Variants in TMEM204 observed in about 807,000 individuals in gnomAD.
TMEM204 encodes the protein transmembrane protein 204.
Under a neutral mutation model 19.4 loss-of-function variants are expected in TMEM204, and 15 were observed. That is an observed-to-expected ratio of 0.77 (90% CI 0.52 to 1.19). TMEM204 has a LOEUF of 1.19. TMEM204 is among the 50% of genes most tolerant of loss of function. The pLI is 0.00. For synonymous variants in TMEM204, 161 were observed against 146.0 expected, an observed-to-expected ratio of 1.10 and a Z score of -0.74; for missense variants, 287 against 321.2, an observed-to-expected ratio of 0.89 and a Z score of 0.81.
In TMEM204 at chr16:1,551,719, C is replaced by T. The variant is rs1329334200; in HGVS notation, c.437-3063C>T. Among the ~76,000 whole-genome samples, 6 of 152,188 alleles carry T rather than the reference C, an allele frequency of 3.9e-5. No homozygotes were observed. Among genetic ancestry groups the T allele is most frequent in the East Asian group, 1.9e-4 (1 of 5,194 alleles). On this transcript the variant is annotated intron_variant, in intron 2 of 2. Transcript: ENST00000566264. The surrounding 1 kb of genome is among the most constrained non-coding windows in gnomAD (Gnocchi z 4.0). ...AGATCAGCGGCACTTCAGTCTTCTA[C>T]GGGGTTTTGTTGGGAGCTACCTATA...
rs770593310 is a variant in TMEM204 at position 1,534,471 on chromosome 16, G to A, written c.196G>A (p.Gly66Ser). ...RGGPSPGARAGQVDAHDCEAL... is the reference protein window; with the variant it reads ...RGGPSPGARASQVDAHDCEAL... The stretch of plus-strand genomic sequence containing the variant: ...AGGGCCGAGCCCTGGGGCCAGAGCC[G>A]GCCAGGTGGACGCACATGACTGTGA... Residue 66 changes from glycine to serine, a missense_variant, in exon 1 of 3, where the codon GGC becomes AGC. By Grantham distance (56) the Gly-to-Ser change is moderately conservative. Transcript: ENST00000566264. 11 of 1,610,818 alleles carry A rather than the reference G, an allele frequency of 6.8e-6. No individual in the cohort carries two copies. The highest frequency in any genetic ancestry group is 3.3e-5 in the South Asian group (3 of 91,074).
At chr16:1,530,767 T>G (rs2030390635), upstream of TMEM204, 1 of 149,714 alleles carries the variant, frequency 6.7e-6, no homozygotes, top group Non-Finnish European at 1.5e-5. Context: ...GGTTTTGCTC[T>G]GGTTCCTGGG....
rs928491181 is a variant in TMEM204, at chr16:1,553,707, C to G, written c.437-1075C>G. 9.0e-7 allele frequency: 1 copy of G among 1,110,652 alleles called. No individual in the cohort carries two copies. The highest frequency in any genetic ancestry group is 1.1e-6 in the Non-Finnish European group (1 of 899,400). The allele number at this position is 1,110,652 out of a possible 1,614,324, so 68.8% of individuals were successfully genotyped here. A position where few individuals can be genotyped will look rare whatever the true frequency, so the allele number is the denominator to read the frequency against. On this transcript the variant is annotated intron_variant, in intron 2 of 2. Coordinates refer to ENST00000566264, the MANE Select transcript of TMEM204 (RefSeq NM_024600.6). The surrounding 1 kb of genome is among the most constrained non-coding windows in gnomAD (Gnocchi z 4.4). Reference sequence around the variant, plus strand: ...GAAGGCTGGCTGGAGGCCCCATGGCCTCCAGGACAATCTGTGGCCACATCC... The same window carrying G: ...GAAGGCTGGCTGGAGGCCCCATGGCGTCCAGGACAATCTGTGGCCACATCC...
chr16:1,532,028 T>G (rs1224771621), upstream of TMEM204: 1 of 152,230 alleles, frequency 6.6e-6, no homozygotes, highest in African/African-American at 2.4e-5. Flanking sequence ...TTGGGAGACT[T>G]CCCTTTCAAG....
chr16:1,531,709 AGCG>A (rs2030512606), upstream of TMEM204: 2 of 152,312 alleles, frequency 1.3e-5, no homozygotes, highest in Admixed American at 1.3e-4. This position sits in a 1 kb window ranked among gnomAD's most constrained non-coding sequence, Gnocchi z 4.7. Context: ...CAGGGTTAGA[AGCG>A]GCGTGACAGC....
At chr16:1,542,655 A>G (rs2031761507) in intron 2 of TMEM204, among the ~76,000 whole-genome samples, 2 of 152,244 alleles carry the variant, frequency 1.3e-5, no homozygotes, top group Non-Finnish European at 2.9e-5. Context: ...GAGTGAGAAC[A>G]CGCTAGCACG....
At chr16:1,554,401 GCCC>G (rs888303871) in intron 2 of TMEM204, among the ~76,000 whole-genome samples, 1 of 152,152 alleles carries the variant, frequency 6.6e-6, no homozygotes, top group African/African-American at 2.4e-5. Context: ...GCTAGGAAAG[GCCC>G]CCCCAAGTTG....
intron 1 of TMEM204, among the ~76,000 whole-genome samples, chr16:1,538,797 C>A (rs1230790024): frequency 6.6e-6 from 1 of 152,180 alleles, no homozygotes; most frequent in Non-Finnish European, 1.5e-5. Flanking sequence ...AGGCCTCACT[C>A]CGGTCCCTGC....
chr16:1,543,534 T>C (rs1224801109), intron 2 of TMEM204, among the ~76,000 whole-genome samples: 1 of 152,220 alleles, frequency 6.6e-6, no homozygotes, highest in Non-Finnish European at 1.5e-5. Context: ...GAACTGGAGC[T>C]GTGTCTTGGC....
At position 1,554,912 on chromosome 16, in the gene TMEM204, C is replaced by G. The variant is rs764530354; in HGVS notation, c.567C>G (p.Asn189Lys). The G allele has an allele frequency of 1.2e-6, 2 of 1,614,234 alleles. No homozygotes were observed. Among genetic ancestry groups the G allele is most frequent in the Non-Finnish European group, 1.7e-6 (2 of 1,180,046 alleles). The part of the protein sequence containing the change: ...ATLAAAMLIW[N>K]ILHKREDCMA... The stretch of plus-strand genomic sequence containing the variant: ...TGGCGGCAGCCATGCTCATCTGGAA[C>G]ATTCTCCACAAGAGGGAGGACTGCA... Residue 189 changes from asparagine (N) to lysine (K), a missense_variant, in exon 3 of 3, where the codon AAC becomes AAG. Coordinates refer to ENST00000566264, the MANE Select transcript of TMEM204 (RefSeq NM_024600.6).
chr16:1,554,667 G>C, intron 2 of TMEM204, 115 bp from the exon 3 acceptor site: 1 of 1,446,212 alleles, frequency 6.9e-7, no homozygotes. Flanking sequence ...CTCTAGGACA[G>C]AGGGCTGGGG....
chr16:1,544,872 T>A (rs1221564801), intron 2 of TMEM204, among the ~76,000 whole-genome samples: 3 of 151,994 alleles, frequency 2.0e-5, no homozygotes, highest in African/African-American at 7.3e-5. Flanking sequence ...ATGGTCTCGA[T>A]CTCCTGACCT....
rs199815134 is a variant in TMEM204 at position 1,551,449 on chromosome 16, G to A, written c.437-3333G>A. On this transcript the variant is annotated intron_variant, in intron 2 of 2. Transcript: ENST00000566264. The surrounding 1 kb of genome is among the most constrained non-coding windows in gnomAD (Gnocchi z 4.0). ...GTGGAAAGGGCCACTGGGCCCCAGG[G>A]TGGCAGAAGGGCGGCCGCAGGTAGC... Among the ~76,000 whole-genome samples, 5 of 152,270 alleles carry A rather than the reference G, an allele frequency of 3.3e-5. No homozygotes were observed. In the East Asian group the frequency reaches 7.7e-4, roughly 24 times the overall value.
At chr16:1,554,259 A>G (rs2032908112) in intron 2 of TMEM204, 1 of 523,214 alleles carries the variant, frequency 1.9e-6, no homozygotes, top group East Asian at 7.1e-5. Flanking sequence ...TCAGAAGCAT[A>G]GCTCTGGGCG....
intron 1 of TMEM204, among the ~76,000 whole-genome samples, chr16:1,537,783 C>T (rs2031220550): frequency 6.6e-6 from 1 of 152,226 alleles, no homozygotes; most frequent in African/African-American, 2.4e-5. Context: ...GTGATTGAAT[C>T]TCGAGGCAGG....
rs2032945629 is a variant in TMEM204, at chr16:1,554,678, A to T, written c.437-104A>T. ...CCCGCTCTAGGACAGAGGGCTGGGG[A>T]AGGATAAAGCAGGCTGGAACCTGCT... On this transcript the variant is annotated intron_variant, in intron 2 of 2. Transcript: ENST00000566264. 2.0e-6 allele frequency: 3 copies of T among 1,481,878 alleles called. 1 individual carries two copies. The highest frequency in any genetic ancestry group is 2.6e-5 in the South Asian group (2 of 77,458). 91.8% of individuals were successfully genotyped at this position (1,481,878 alleles called of 1,614,324 possible).
Position 1,555,208 on chromosome 16 carries a change from T to C in TMEM204, c.*182T>C. ...TACTGTTATGTCGGTCATATGTCTG[T>C]ACGTGTCGTGGGCCAACCTCGTTCT... On this transcript the variant is annotated 3_prime_UTR_variant, in exon 3 of 3. Coordinates refer to ENST00000566264, the MANE Select transcript of TMEM204 (RefSeq NM_024600.6). 1 of 788,746 alleles carries C rather than the reference T, an allele frequency of 1.3e-6. No individual in the cohort carries two copies. The highest frequency in any genetic ancestry group is 1.9e-6 in the Non-Finnish European group (1 of 515,004). 48.9% of individuals were successfully genotyped at this position (788,746 alleles called of 1,614,324 possible).
At chr16:1,538,637 T>A (rs537977804) in intron 1 of TMEM204, among the ~76,000 whole-genome samples, 41 of 152,278 alleles carry the variant, frequency 2.7e-4, no homozygotes, top group African/African-American at 9.9e-4. Flanking sequence ...CATTTTGCAA[T>A]GTTTAGAGAA....
upstream of TMEM204, chr16:1,532,435 C>T (rs1488132067): frequency 6.6e-6 from 1 of 152,348 alleles, no homozygotes. Flanking sequence ...GGAACAGACA[C>T]AGGGCGTGTG....
Sources: allele counts gnomAD v4.1 joint callset (sites outside exome capture counted in the v4.1 genomes callset), GRCh38; gene constraint gnomAD v4.1.1; non-coding constraint Gnocchi (gnomAD v3.1); transcripts MANE v1.5; gene names NCBI Gene and HGNC (gene_info 2026-07-23, HGNC 2026-07-21).